The following FRMD3 variants were observed in gnomAD, a reference collection of about 807,000 sequenced individuals.
FRMD3 encodes the protein FERM domain-containing protein 3.
FRMD3 carries 33 observed loss-of-function variants against 70.2 expected under a neutral mutation model. The ratio of observed to expected loss-of-function variants is 0.47; its 90% CI spans 0.36 to 0.63. FRMD3 has a LOEUF of 0.63. FRMD3 is among the 20% of genes least tolerant of loss of function. FRMD3 has a pLI of 0.00. For missense variants in FRMD3, 632 were observed against 711.4 expected, an observed-to-expected ratio of 0.89 and a Z score of 1.27; for synonymous variants, 279 against 255.9, an observed-to-expected ratio of 1.09 and a Z score of -0.86.
At chr9:83,320,386 C>T (rs189907368) in intron 6 of FRMD3, among the ~76,000 whole-genome samples, 3 of 152,242 alleles carry the variant, frequency 2.0e-5, no homozygotes, top group East Asian at 1.9e-4. Context: ...TTATTAAACA[C>T]TTTTTCTTCA....
intron 4 of FRMD3, among the ~76,000 whole-genome samples, chr9:83,347,991 TGA>T (rs1824017201): frequency 6.6e-6 from 1 of 152,168 alleles, no homozygotes; most frequent in African/African-American, 2.4e-5. Context: ...CAAATACAAC[TGA>T]GAGGGGCGAG....
the FRMD3 span, among the ~76,000 whole-genome samples, chr9:83,565,372 C>T: frequency 6.6e-6 from 1 of 152,140 alleles, no homozygotes; most frequent in African/African-American, 2.4e-5. Flanking sequence ...AAGGCGCATG[C>T]TATAGTTTCA....
intron 2 of FRMD3, among the ~76,000 whole-genome samples, chr9:83,388,902 C>G (rs907061598): frequency 1.3e-5 from 2 of 151,406 alleles, no homozygotes; most frequent in African/African-American, 4.9e-5. Context: ...ACCCTATACC[C>G]ATTAAGCAGT....
chr9:83,570,772 A>T, the FRMD3 span, among the ~76,000 whole-genome samples: 1 of 152,198 alleles, frequency 6.6e-6, no homozygotes, highest in Non-Finnish European at 1.5e-5. Flanking sequence ...TTGAGAACAC[A>T]TGAAGAGAGG....
intron 13 of FRMD3, among the ~76,000 whole-genome samples, chr9:83,254,639 T>C (rs1454026912): frequency 2.0e-5 from 3 of 151,592 alleles, no homozygotes; most frequent in Non-Finnish European, 2.9e-5. Context: ...CTAGCTAGAC[T>C]AATAAAGAAA....
chr9:83,350,789 A>T, intron 3 of FRMD3: 1 of 948,084 alleles, frequency 1.1e-6, no homozygotes, highest in Non-Finnish European at 1.3e-6. Flanking sequence ...TTTGCCTCAA[A>T]TATCCAGAAC....
chr9:83,300,773 T>C (rs778474025), intron 10 of FRMD3, among the ~76,000 whole-genome samples: 3 of 152,212 alleles, frequency 2.0e-5, no homozygotes, highest in African/African-American at 4.8e-5. Flanking sequence ...CACACATATT[T>C]TTTTTCCTTT....
At chr9:83,331,905 G>A (rs1389614587) in intron 6 of FRMD3, 29 of 717,264 alleles carry the variant, frequency 4.0e-5, no homozygotes, top group African/African-American at 7.0e-5. Context: ...ATCTTGGGAT[G>A]AGTCCTGATC....
chr9:83,309,699 GGT>G, intron 9 of FRMD3, 75 bp from the exon 10 acceptor site: 1 of 805,262 alleles, frequency 1.2e-6, no homozygotes, highest in Non-Finnish European at 2.0e-6. Flanking sequence ...TTTTTTTTCA[GGT>G]GTTTACCTCT....
intron 1 of FRMD3, among the ~76,000 whole-genome samples, chr9:83,504,604 C>G (rs916547474): frequency 5.3e-5 from 8 of 152,094 alleles, no homozygotes; most frequent in African/African-American, 1.9e-4. Context: ...ACTTCCCCCC[C>G]CACCACTTCT....
At chr9:83,553,740 C>T in the FRMD3 span, among the ~76,000 whole-genome samples, 1 of 152,306 alleles carries the variant, frequency 6.6e-6, no homozygotes, top group Non-Finnish European at 1.5e-5. Flanking sequence ...GCTATTTTGT[C>T]CTTCAGCTCC....
rs76671657 is a variant in FRMD3, at chr9:83,284,506, G to T, written c.1195+6097C>A. Among the ~76,000 whole-genome samples the T allele has an allele frequency of 1.7e-4, 26 of 152,312 alleles. No homozygotes were observed. In the East Asian group the frequency reaches 4.8e-3, roughly 28 times the overall value. On this transcript the variant is annotated intron_variant, in intron 13 of 13. Transcript: ENST00000304195. ...GCCTGTAGACCCAGCTACTTGGGAG[G>T]CTGAGGCAGGAGAATGGCTTGAACC...
At chr9:83,249,808 T>G (rs931065660) in intron 13 of FRMD3, among the ~76,000 whole-genome samples, 1 of 152,102 alleles carries the variant, frequency 6.6e-6, no homozygotes, top group African/African-American at 2.4e-5. Flanking sequence ...ATAACAAGTG[T>G]TGGTGAGGAT....
chr9:83,392,572 G>C (rs566211098), intron 1 of FRMD3, among the ~76,000 whole-genome samples: 1 of 152,214 alleles, frequency 6.6e-6, no homozygotes, highest in African/African-American at 2.4e-5. Flanking sequence ...GAAGATAGAG[G>C]TTCCTTCCCT....
the FRMD3 span, among the ~76,000 whole-genome samples, chr9:83,544,318 C>A: frequency 6.6e-6 from 1 of 152,278 alleles, no homozygotes; most frequent in Admixed American, 6.5e-5. Flanking sequence ...GACCTTTGTG[C>A]ATTTCACCAG....
At chr9:83,244,367 T>C (rs1329328801), downstream of FRMD3, among the ~76,000 whole-genome samples, 1 of 152,224 alleles carries the variant, frequency 6.6e-6, no homozygotes, top group Non-Finnish European at 1.5e-5. Context: ...TCTATTTCTC[T>C]GGTTAACTTA....
intron 1 of FRMD3, among the ~76,000 whole-genome samples, chr9:83,476,017 T>C (rs982627994): frequency 6.6e-6 from 1 of 152,172 alleles, no homozygotes; most frequent in African/African-American, 2.4e-5. Flanking sequence ...AAATGCAATA[T>C]ACATCTATTT....
intron 1 of FRMD3, among the ~76,000 whole-genome samples, chr9:83,412,255 C>T (rs10119379): frequency 0.042 from 6,369 of 152,266 alleles, 462 homozygotes; most frequent in African/African-American, 0.14. Context: ...TGTAGCATTA[C>T]CATTGTATAA....
rs899760391 is a variant in FRMD3, at chr9:83,331,919, G to C, written c.596+3597C>G. On this transcript the variant is annotated intron_variant, in intron 6 of 13. Coordinates refer to ENST00000304195, the MANE Select transcript of FRMD3 (RefSeq NM_174938.6). ...GATCTTGGGATGAGTCCTGATCAGA[G>C]AGTTGTAAGCAGAAGTGCTATGAAT... The C allele has an allele frequency of 1.1e-5, 8 of 715,924 alleles. No homozygotes were observed. In the East Asian group the frequency reaches 2.1e-4, roughly 19 times the overall value. The allele number at this position is 715,924 out of a possible 1,614,324, so 44.3% of individuals were successfully genotyped here.
Sources: allele counts gnomAD v4.1 joint callset (sites outside exome capture counted in the v4.1 genomes callset), GRCh38; gene constraint gnomAD v4.1.1; transcripts MANE v1.5; gene names NCBI Gene and HGNC (gene_info 2026-07-23, HGNC 2026-07-21).